BCL2L14: variants seen among roughly 807,000 people sequenced by gnomAD.
BCL2L14 encodes BCL2 like 14.
Under a neutral mutation model 35.3 loss-of-function variants are expected in BCL2L14, and 27 were observed. The ratio of observed to expected loss-of-function variants is 0.76; its 90% CI spans 0.56 to 1.05. The LOEUF (loss-of-function observed/expected upper bound fraction) is 1.05. Among genes scored for constraint, BCL2L14 ranks in the 50% least tolerant of loss-of-function variants. BCL2L14 has a pLI of 0.00. For missense variants in BCL2L14, 377 were observed against 382.6 expected (o/e 0.99, Z 0.12); for synonymous variants, 139 against 145.9 (o/e 0.95, Z 0.34).
At position 12,085,513 on chromosome 12, in the gene BCL2L14, GAA is replaced by G. The variant is rs1293870650; in HGVS notation, c.434-1698_434-1697del. On this transcript the variant is annotated intron_variant, in intron 2 of 5. Coordinates refer to ENST00000308721, the MANE Select transcript of BCL2L14 (RefSeq NM_138723.2). ...CGCTTGGTTCTTAAAAAACGAGGAG[GAA>G]AGACATTGATCCTTTTCTTCTTGAT... Among the ~76,000 whole-genome samples the G allele has an allele frequency of 5.9e-5, 9 of 152,264 alleles. No individual in the cohort carries two copies. The East Asian group carries it at 1.5e-3, about 26-fold the overall frequency.
At position 12,079,442 on chromosome 12, in the gene BCL2L14, A is replaced by C. The variant is rs749449524; in HGVS notation, c.137A>C (p.Lys46Thr). 2.5e-6 allele frequency: 4 copies of C among 1,614,096 alleles called. No homozygotes were observed. Among genetic ancestry groups the C allele is most frequent in the Non-Finnish European group, 2.5e-6 (3 of 1,180,048 alleles). The change falls in exon 2 of 6, where the codon AAG becomes ACG. Residue 46 changes from lysine (K) to threonine (T), a missense_variant. Transcript: ENST00000308721. ...AGCACCCCTGCTCTCTTCTCACCAA[A>C]GCTGCTGAGAACAAGAAGTTTGTCC... is the stretch of plus-strand genomic sequence containing the variant. Reference protein sequence around the residue: ...FKSTPALFSPKLLRTRSLSQR... With the variant: ...FKSTPALFSPTLLRTRSLSQR...
chr12:12,063,405 G>C, intron 2 of BCL2L14, among the ~76,000 whole-genome samples: 1 of 148,302 alleles, frequency 6.7e-6, no homozygotes, highest in Non-Finnish European at 1.5e-5. Context: ...ATTCCGTTTA[G>C]TTTTTCAATT....
At chr12:12,098,194 A>C (rs1949357009) in intron 5 of BCL2L14, among the ~76,000 whole-genome samples, 1 of 152,110 alleles carries the variant, frequency 6.6e-6, no homozygotes, top group African/African-American at 2.4e-5. Context: ...GCCTCCTGGG[A>C]CTTCCATTGG....
intron 2 of BCL2L14, among the ~76,000 whole-genome samples, chr12:12,063,619 C>T (rs998084050): frequency 3.9e-5 from 6 of 152,238 alleles, no homozygotes; most frequent in Non-Finnish European, 7.4e-5. Context: ...CAAAAATTTT[C>T]GCTGTCCCAA....
At chr12:12,084,807 C>G (rs916903299) in intron 2 of BCL2L14, among the ~76,000 whole-genome samples, 1 of 152,164 alleles carries the variant, frequency 6.6e-6, no homozygotes, top group Non-Finnish European at 1.5e-5. Flanking sequence ...GAAATCAATA[C>G]CCTGCTGTAA....
At chr12:12,053,438 G>A (rs1296611148) in intron 2 of BCL2L14, among the ~76,000 whole-genome samples, 1 of 113,296 alleles carries the variant, frequency 8.8e-6, no homozygotes, top group Non-Finnish European at 1.9e-5. Context: ...TTTTTTTTTT[G>A]AGACGAAGTT....
chr12:12,078,832 CTG>C (rs908726947), intron 1 of BCL2L14, among the ~76,000 whole-genome samples: 51 of 151,654 alleles, frequency 3.4e-4, no homozygotes, highest in African/African-American at 1.1e-3. Flanking sequence ...GAGTCTCACT[CTG>C]TCGCCAGGCT....
intron 5 of BCL2L14, chr12:12,095,936 C>T (rs377695868): frequency 9.1e-6 from 9 of 985,256 alleles, no homozygotes; most frequent in African/African-American, 1.7e-5. Context: ...CAACCAAGGC[C>T]ATTCTTAAGT....
At chr12:12,058,223 A>G (rs1591802909) in intron 2 of BCL2L14, among the ~76,000 whole-genome samples, 1 of 146,656 alleles carries the variant, frequency 6.8e-6, no homozygotes, top group South Asian at 2.2e-4. Flanking sequence ...AAGTGCTGGG[A>G]TTACAGGCGT....
upstream of BCL2L14, chr12:12,068,295 T>C (rs928162676): frequency 1.0e-5 from 4 of 397,388 alleles, no homozygotes; most frequent in Non-Finnish European, 4.4e-6. Flanking sequence ...TGTTTAGTTA[T>C]GTAACTCAGA....
chr12:12,093,442 G>A (rs114931617), intron 4 of BCL2L14, among the ~76,000 whole-genome samples: 618 of 152,040 alleles, frequency 4.1e-3, no homozygotes, highest in African/African-American at 0.014. Context: ...AGACCAGCCT[G>A]GGCAATATAG....
At chr12:12,082,002 T>A (rs2136754222) in intron 2 of BCL2L14, among the ~76,000 whole-genome samples, 1 of 152,330 alleles carries the variant, frequency 6.6e-6, no homozygotes, top group African/African-American at 2.4e-5. Flanking sequence ...AGCCCACTCA[T>A]AGACAGCTTT....
At chr12:12,069,069 A>G (rs1161018285), upstream of BCL2L14, among the ~76,000 whole-genome samples, 1 of 152,218 alleles carries the variant, frequency 6.6e-6, no homozygotes, top group Non-Finnish European at 1.5e-5. Context: ...TTAGCACAAC[A>G]GTGCATTATC....
chr12:12,063,906 G>A (rs943356493), intron 2 of BCL2L14, among the ~76,000 whole-genome samples: 4 of 151,044 alleles, frequency 2.6e-5, no homozygotes, highest in Non-Finnish European at 5.9e-5. Flanking sequence ...ACTCGTGCCC[G>A]CCAGAGAACA....
chr12:12,064,326 A>C (rs1474744903), intron 2 of BCL2L14, among the ~76,000 whole-genome samples: 1 of 151,542 alleles, frequency 6.6e-6, no homozygotes, highest in African/African-American at 2.4e-5. Flanking sequence ...TTTTTTGTAG[A>C]GATGGGGCCT....
intron 4 of BCL2L14, among the ~76,000 whole-genome samples, chr12:12,091,890 C>T (rs1219514687): frequency 2.0e-5 from 3 of 152,086 alleles, no homozygotes; most frequent in African/African-American, 7.2e-5. Context: ...CAAATTATGC[C>T]TAGTATGGGG....
rs1193747014 is a variant in BCL2L14, at chr12:12,092,563, AC to A, written c.678+1717del. ...CAGGAGAGGCCAAAGAGCCAGGTGCACCCGAGAGGGACAGGCAGGGGAGGGG... is the reference window on the plus strand; with the variant it reads ...CAGGAGAGGCCAAAGAGCCAGGTGCACCGAGAGGGACAGGCAGGGGAGGGG... On this transcript the variant is annotated intron_variant, in intron 4 of 5. Transcript: ENST00000308721. Among the ~76,000 whole-genome samples, 8 of 152,258 alleles carry A rather than the reference AC, an allele frequency of 5.3e-5. No homozygotes were observed. In the East Asian group the frequency reaches 1.4e-3, roughly 26 times the overall value.
chr12:12,058,035 C>A (rs547491867), intron 2 of BCL2L14, among the ~76,000 whole-genome samples: 1 of 151,320 alleles, frequency 6.6e-6, no homozygotes, highest in African/African-American at 2.4e-5. Flanking sequence ...GCAACCTCCC[C>A]CTCCTGTGTT....
intron 3 of BCL2L14, among the ~76,000 whole-genome samples, chr12:12,088,459 C>T (rs770896354): frequency 3.0e-4 from 45 of 152,246 alleles, no homozygotes; most frequent in African/African-American, 1.1e-3. Context: ...AGGGAAAATG[C>T]GGCCGCCATG....
Sources: allele counts gnomAD v4.1 joint callset (sites outside exome capture counted in the v4.1 genomes callset), GRCh38; gene constraint gnomAD v4.1.1; transcripts MANE v1.5; gene names NCBI Gene and HGNC (gene_info 2026-07-23, HGNC 2026-07-21).